The following PKD1L3 variants were observed in gnomAD, a reference collection of about 807,000 sequenced individuals.
PKD1L3 encodes polycystin-1-like protein 3.
Under a neutral mutation model 184.1 loss-of-function variants are expected in PKD1L3, and 239 were observed. That is an observed-to-expected ratio of 1.30 (90% CI 1.17 to 1.45). PKD1L3 has a LOEUF of 1.45. PKD1L3 is among the 40% of genes most tolerant of loss of function. The pLI, the probability that PKD1L3 is intolerant of heterozygous loss-of-function variation, is 0.00. For missense variants in PKD1L3, 2,660 were observed against 2,067.2 expected, an observed-to-expected ratio of 1.29 and a Z score of -5.56; for synonymous variants, 996 against 778.8, an observed-to-expected ratio of 1.28 and a Z score of -4.64.
chr16:71,967,385 G>A, intron 14 of PKD1L3, 70 bp from the exon 15 acceptor site: 1 of 1,387,646 alleles, frequency 7.2e-7, no homozygotes, highest in African/African-American at 1.5e-5. Context: ...TCCCTAAGGA[G>A]AAAGACGAAG....
chr16:71,937,328 G>C lies in PKD1L3; in HGVS notation c.4416C>G (p.Ile1472Met). 1 of 1,551,600 alleles carries C rather than the reference G, an allele frequency of 6.4e-7. No individual in the cohort carries two copies. The highest frequency in any genetic ancestry group is 2.4e-5 in the East Asian group (1 of 40,920). The change falls in exon 25 of 30, where the codon ATC (isoleucine) becomes ATG (methionine). Residue 1472 changes from isoleucine (I) to methionine (M), a missense_variant. Coordinates refer to ENST00000620267, the MANE Select transcript of PKD1L3 (RefSeq NM_181536.2). Reference sequence around the variant, plus strand: ...CATAGTAACAGACCAGTAGATAATAGATGACTTGTGAGATGATAGACCAGA... The same window carrying C: ...CATAGTAACAGACCAGTAGATAATACATGACTTGTGAGATGATAGACCAGA... ...GCVWSIISQVIYYLLVCYYAF... is the reference protein window; with the variant it reads ...GCVWSIISQVMYYLLVCYYAF...
chr16:71,999,000 G>A (rs1215280337), intron 1 of PKD1L3, among the ~76,000 whole-genome samples: 3 of 152,174 alleles, frequency 2.0e-5, no homozygotes, highest in South Asian at 4.1e-4. Context: ...GGCCGGGCGC[G>A]GTGGCTCACG....
At chr16:71,979,958 G>A (rs1305327024) in intron 8 of PKD1L3, 46 bp from the exon 9 acceptor site, 34 of 1,549,444 alleles carry the variant, frequency 2.2e-5, no homozygotes, top group Middle Eastern at 3.3e-4. Context: ...TGTGTCCTCT[G>A]AAAGTGAAAA....
At position 71,999,270 on chromosome 16, in the gene PKD1L3, C is replaced by CAA. The variant is rs371727093; in HGVS notation, c.295+412_295+413dup. ...TGGGCGACAGAGCGAGACTCCATCT[C>CAA]AAAAAAAAAAAAAAAGAAAAAGAAA... On this transcript the variant is annotated intron_variant, in intron 1 of 29. Transcript: ENST00000620267. 2.8e-3 allele frequency among the ~76,000 whole-genome samples: 283 copies of CAA among 102,488 alleles called. 4 individuals carry two copies. The highest frequency in any genetic ancestry group is 6.0e-3 in the African/African-American group (159 of 26,368). 67.2% of individuals were successfully genotyped at this position (102,488 alleles called of 152,430 possible).
chr16:71,976,653 T>C, intron 11 of PKD1L3, among the ~76,000 whole-genome samples: 1 of 152,154 alleles, frequency 6.6e-6, no homozygotes, highest in East Asian at 1.9e-4. Flanking sequence ...ATGAAGTAGC[T>C]CATGTCTGTA....
intron 22 of PKD1L3, among the ~76,000 whole-genome samples, chr16:71,946,736 G>A (rs2038616479): frequency 7.1e-6 from 1 of 140,756 alleles, no homozygotes; most frequent in South Asian, 2.4e-4. Flanking sequence ...AAACAATTCA[G>A]TTTAATTTGA....
At position 71,980,111 on chromosome 16, in the gene PKD1L3, G is replaced by A. The variant is rs1222879258; in HGVS notation, c.1167C>T (p.Ser389=). Residue 389 remains serine (S), a synonymous_variant, in exon 8 of 30, where the codon TCC becomes TCT. Transcript: ENST00000620267. ...CCCCGATATTCCCAAACTCCACCAA[G>A]GACATTTCCAGGATGTCTTCTACCT... ...TEPVEDILEM[S]LVEFGNIGEA... The A allele has an allele frequency of 7.7e-6, 12 of 1,551,578 alleles. No homozygotes were observed. The highest frequency in any genetic ancestry group is 2.0e-5 in the Admixed American group (1 of 50,976).
chr16:71,962,869 A>G (rs1239836023), intron 16 of PKD1L3, among the ~76,000 whole-genome samples: 1 of 152,174 alleles, frequency 6.6e-6, no homozygotes, highest in East Asian at 1.9e-4. Flanking sequence ...AAATATTTGT[A>G]TCATCGAAGT....
At chr16:71,958,871 G>C (rs2039157753) in intron 16 of PKD1L3, among the ~76,000 whole-genome samples, 1 of 150,212 alleles carries the variant, frequency 6.7e-6, no homozygotes, top group African/African-American at 2.4e-5. Context: ...TGGACTGCTT[G>C]AGCGCAGGAG....
rs2038213802 is a variant in PKD1L3 at position 71,937,316 on chromosome 16, C to T, written c.4428G>A (p.Leu1476=). The T allele has an allele frequency of 1.3e-6, 2 of 1,551,480 alleles. No homozygotes were observed. Among genetic ancestry groups the T allele is most frequent in the Non-Finnish European group, 1.7e-6 (2 of 1,146,924 alleles). The change falls in exon 25 of 30, where the codon CTG becomes CTA. Residue 1476 remains leucine, a synonymous_variant. Coordinates refer to ENST00000620267, the MANE Select transcript of PKD1L3 (RefSeq NM_181536.2). ...SIISQVIYYL[L]VCYYAFIQGC... is the part of the protein sequence containing the mutation. Reference sequence around the variant, plus strand: ...CCTGTATGAAGGCATAGTAACAGACCAGTAGATAATAGATGACTTGTGAGA... The same window carrying T: ...CCTGTATGAAGGCATAGTAACAGACTAGTAGATAATAGATGACTTGTGAGA...
intron 2 of PKD1L3, among the ~76,000 whole-genome samples, chr16:71,997,136 C>T (rs998248418): frequency 6.6e-6 from 1 of 151,970 alleles, no homozygotes; most frequent in Non-Finnish European, 1.5e-5. Flanking sequence ...TAATCATTCA[C>T]CTGTTGACAG....
At position 71,973,447 on chromosome 16, in the gene PKD1L3, A is replaced by C; in HGVS notation, c.1830T>G (p.Ala610=). Residue 610 remains alanine, a synonymous_variant, in exon 12 of 30, where the codon GCT becomes GCG. Coordinates refer to ENST00000620267, the MANE Select transcript of PKD1L3 (RefSeq NM_181536.2). ...CACCCTCCTGCCTCTCACTCAGCAC[A>C]GCTGTTATATAGTAGGTGCCAATCC... ...QHGIGTYYIT[A]VLSERQEGAQ... 1 of 1,551,842 alleles carries C rather than the reference A, an allele frequency of 6.4e-7. No homozygotes were observed. Among genetic ancestry groups the C allele is most frequent in the South Asian group, 1.2e-5 (1 of 84,060 alleles).
rs921218942 is a variant in PKD1L3 at position 71,977,445 on chromosome 16, C to A, written c.1550G>T (p.Ser517Ile). ...GAGGCTGGTGGGATGGGTTTCCAAG[C>A]TAACATTTCTCCAGAGCATGATCTA... ...DIEIMLWRNV[S>I]LETHPTSLNM... The change falls in exon 11 of 30, where the codon AGC (serine) becomes ATC (isoleucine). Residue 517 changes from serine to isoleucine, a missense_variant. Coordinates refer to ENST00000620267, the MANE Select transcript of PKD1L3 (RefSeq NM_181536.2). 1.3e-6 allele frequency: 2 copies of A among 1,550,400 alleles called. No individual in the cohort carries two copies. Among genetic ancestry groups the A allele is most frequent in the East Asian group, 4.9e-5 (2 of 40,896 alleles).
At chr16:71,977,075 T>C (rs577241615) in intron 11 of PKD1L3, among the ~76,000 whole-genome samples, 161 bp downstream of exon 11, 10 of 152,240 alleles carry the variant, frequency 6.6e-5, no homozygotes, top group African/African-American at 2.4e-4. Context: ...TAGCCAGATG[T>C]GGTGGTGCGC....
chr16:71,975,270 C>T lies in PKD1L3; in HGVS notation c.1760-1753G>A, dbSNP rs1328704081. 2.7e-5 allele frequency among the ~76,000 whole-genome samples: 4 copies of T among 150,162 alleles called. No individual in the cohort carries two copies. The Admixed American group carries it at 2.7e-4, about 10-fold the overall frequency. ...ACAGAGTCTCGCTCTGTTGCCCAGG[C>T]TAGTCTCAAATTCCTGGGCTTAAGT... On this transcript the variant is annotated intron_variant, in intron 11 of 29. Transcript: ENST00000620267.
intron 2 of PKD1L3, among the ~76,000 whole-genome samples, chr16:71,997,784 T>TAAATAAAG (rs1555528561): frequency 2.6e-5 from 4 of 151,442 alleles, no homozygotes; most frequent in Non-Finnish European, 4.4e-5. Context: ...AATAAATAAA[T>TAAATAAAG]AAATACAACA....
intron 25 of PKD1L3, among the ~76,000 whole-genome samples, chr16:71,937,048 C>CCGTCAT (rs1555513245): frequency 1.3e-5 from 2 of 152,002 alleles, no homozygotes; most frequent in African/African-American, 4.8e-5. Flanking sequence ...ACATCTAACA[C>CCGTCAT]CATCATCATC....
chr16:71,991,867 G>C (rs1303954640), intron 3 of PKD1L3, among the ~76,000 whole-genome samples: 1 of 152,196 alleles, frequency 6.6e-6, no homozygotes, highest in Non-Finnish European at 1.5e-5. Flanking sequence ...AGGATGCCTG[G>C]AGTGCGGTAT....
chr16:71,969,576 T>C (rs2039632984), intron 13 of PKD1L3, among the ~76,000 whole-genome samples: 2 of 149,534 alleles, frequency 1.3e-5, no homozygotes, highest in African/African-American at 4.9e-5. Flanking sequence ...CCTCCCCAAG[T>C]GTTGGAATTA....
Sources: gnomAD v4.1 joint callset for allele counts (sites outside exome capture counted in the v4.1 genomes callset) on GRCh38, gnomAD v4.1.1 for gene constraint, MANE v1.5 for transcripts, NCBI Gene and HGNC (gene_info 2026-07-23, HGNC 2026-07-21) for gene names.